The following KNSTRN variants were observed in gnomAD, a reference collection of about 807,000 sequenced individuals.
The protein encoded by KNSTRN is kinetochore localized astrin (SPAG5) binding protein.
A neutral mutation model predicts 44.7 loss-of-function variants in KNSTRN; 38 were observed. The ratio of observed to expected loss-of-function variants is 0.85; its 90% confidence interval spans 0.66 to 1.11. The LOEUF (loss-of-function observed/expected upper bound fraction) is 1.11, where lower values mean the gene tolerates loss of function less well. KNSTRN is among the 50% of genes most tolerant of loss of function. The probability of loss-of-function intolerance (pLI) is 0.00; values close to 1 mark genes in which losing one functional copy is unlikely to be tolerated. For missense variants in KNSTRN, 406 were observed against 375.8 expected (o/e 1.08, Z -0.66); for synonymous variants, 158 against 148.1 (o/e 1.07, Z -0.48).
At chr15:40,386,971 T>C in intron 3 of KNSTRN, 188 bp from the exon 4 acceptor site, 1 of 614,026 alleles carries the variant, frequency 1.6e-6, no homozygotes. Flanking sequence ...CCTTTGCTAC[T>C]AAAAAGCCTT....
chr15:40,393,463 A>C lies in KNSTRN; in HGVS notation c.823-6A>C. Reference sequence around the variant, plus strand: ...TTGTTTTCTTTTGGAATGTCTTTCCATGCAGGCCTTAAAGGTAAAGCTGGA... The same window carrying C: ...TTGTTTTCTTTTGGAATGTCTTTCCCTGCAGGCCTTAAAGGTAAAGCTGGA... On this transcript the variant is annotated splice_region_variant and splice_polypyrimidine_tract_variant and intron_variant, in intron 8 of 8. Transcript: ENST00000249776. 6.2e-7 allele frequency: 1 copy of C among 1,610,390 alleles called. No individual in the cohort carries two copies. Among genetic ancestry groups the C allele is most frequent in the South Asian group, 1.1e-5 (1 of 90,146 alleles).
At chr15:40,386,962 C>G (rs1889913534) in intron 3 of KNSTRN, 197 bp from the exon 4 acceptor site, 1 of 606,014 alleles carries the variant, frequency 1.7e-6, no homozygotes, top group South Asian at 1.9e-5. Context: ...AGGCATGCCC[C>G]TTTGCTACTA....
chr15:40,391,678 G>A (rs1057039274), intron 7 of KNSTRN, 124 bp downstream of exon 7: 3 of 833,160 alleles, frequency 3.6e-6, no homozygotes, highest in African/African-American at 3.4e-5. Context: ...TGTGATGCTA[G>A]AAAAGAGAAA....
At position 40,393,532 on chromosome 15, in the gene KNSTRN, TG is replaced by T. The variant is rs1890039899; in HGVS notation, c.887del (p.Cys296LeufsTer5). The T allele has an allele frequency of 6.2e-7, 1 of 1,614,028 alleles. No homozygotes were observed. Among genetic ancestry groups the T allele is most frequent in the South Asian group, 1.1e-5 (1 of 91,092 alleles). On this transcript the variant is annotated frameshift_variant, in exon 9 of 9. Coordinates refer to ENST00000249776, the MANE Select transcript of KNSTRN (RefSeq NM_033286.4). LOFTEE classifies it high-confidence loss of function. ...RVRFLEQQTL[C>X]NNQVNDLTTA... ...CCGATTCCTAGAACAGCAAACCTTATGTAACAATCAAGTAAATGATTTAACA... is the reference window on the plus strand; with the variant it reads ...CCGATTCCTAGAACAGCAAACCTTATTAACAATCAAGTAAATGATTTAACA...
In KNSTRN at chr15:40,382,809, G is replaced by C. The variant is rs746179560; in HGVS notation, c.-27G>C. On this transcript the variant is annotated 5_prime_UTR_variant, in exon 1 of 9. Transcript: ENST00000249776. ...AACACCTTTCGCTAGGTCTGGCTCT[G>C]GCCTCTGAGCGAACCTTCCGTACAG... 2 of 1,600,206 alleles carry C rather than the reference G, an allele frequency of 1.2e-6. No homozygotes were observed. The highest frequency in any genetic ancestry group is 1.7e-6 in the Non-Finnish European group (2 of 1,173,474).
chr15:40,391,930 C>T lies in KNSTRN; in HGVS notation c.748-19C>T. On this transcript the variant is annotated intron_variant, in intron 7 of 8. Coordinates refer to ENST00000249776, the MANE Select transcript of KNSTRN (RefSeq NM_033286.4). ...GTTTTATATGAAGATTTGTTTACTA[C>T]ATTGTGCTTTCCTCTTAGTTGCTGT... is the stretch of plus-strand genomic sequence containing the variant. 6.3e-7 allele frequency: 1 copy of T among 1,597,774 alleles called. No homozygotes were observed. The highest frequency in any genetic ancestry group is 8.5e-7 in the Non-Finnish European group (1 of 1,171,764).
At chr15:40,392,927 A>G (rs765476546) in intron 8 of KNSTRN, among the ~76,000 whole-genome samples, 5 of 152,130 alleles carry the variant, frequency 3.3e-5, no homozygotes, top group Non-Finnish European at 5.9e-5. Flanking sequence ...AAATTTTTTA[A>G]AAAACAGACC....
Position 40,382,854 on chromosome 15 carries a change from C to G in KNSTRN, c.19C>G (p.Pro7Ala). The G allele has an allele frequency of 6.2e-7, 1 of 1,611,368 alleles. No individual in the cohort carries two copies. Among genetic ancestry groups the G allele is most frequent in the Non-Finnish European group, 8.5e-7 (1 of 1,179,672 alleles). The part of the protein sequence containing the change: MAAPEA[P>A]PLDRVFRTTW... ...GTACAGTATGGCGGCTCCCGAAGCCCCGCCCCTGGACAGAGTTTTCCGTAC... is the reference window on the plus strand; with the variant it reads ...GTACAGTATGGCGGCTCCCGAAGCCGCGCCCCTGGACAGAGTTTTCCGTAC... Residue 7 changes from proline to alanine, a missense_variant, in exon 1 of 9, where the codon CCG becomes GCG. Pro to Ala is a conservative substitution (Grantham distance 27). Transcript: ENST00000249776.
rs1049307817 is a variant in KNSTRN at position 40,390,619 on chromosome 15, C to CT, written c.685+703dup. On this transcript the variant is annotated intron_variant, in intron 6 of 8. Coordinates refer to ENST00000249776, the MANE Select transcript of KNSTRN (RefSeq NM_033286.4). Reference sequence around the variant, plus strand: ...TCTTTAGGTTACAGTTGAGGATATTCTTTTTTTTTTTTTGAGATGAAGTCT... The same window carrying CT: ...TCTTTAGGTTACAGTTGAGGATATTCTTTTTTTTTTTTTTGAGATGAAGTCT... Among the ~76,000 whole-genome samples the CT allele has an allele frequency of 7.5e-3, 1,092 of 145,074 alleles. 14 individuals are homozygous for CT. Among genetic ancestry groups the CT allele is most frequent in the African/African-American group, 0.022 (882 of 39,866 alleles).
rs368201050 is a variant in KNSTRN, at chr15:40,387,134, C to T, written c.438-25C>T. 58 of 1,578,864 alleles carry T rather than the reference C, an allele frequency of 3.7e-5. 1 individual carries two copies. The African/African-American group carries it at 7.5e-4, about 21-fold the overall frequency. On this transcript the variant is annotated intron_variant, in intron 3 of 8. Coordinates refer to ENST00000249776, the MANE Select transcript of KNSTRN (RefSeq NM_033286.4). ...TTAACAGTACTGTAAGTCTCTGATT[C>T]ATTTCTTTGTTTCTGCCCTCCTAGG...
chr15:40,383,417 G>T lies in KNSTRN; in HGVS notation c.304+95G>T. 3.2e-6 allele frequency: 3 copies of T among 927,428 alleles called. No individual in the cohort carries two copies. In the South Asian group the frequency reaches 4.5e-5, roughly 14 times the overall value. The allele number at this position is 927,428 out of a possible 1,614,324, so 57.4% of individuals were successfully genotyped here. A position where few individuals can be genotyped will look rare whatever the true frequency, so the allele number is the denominator to read the frequency against. On this transcript the variant is annotated intron_variant, in intron 2 of 8. Coordinates refer to ENST00000249776, the MANE Select transcript of KNSTRN (RefSeq NM_033286.4). ...ATGGGTGGCGCGGGCACGGGGAAGG[G>T]CGTCCCGTCGGCCCTGAAAACCTGT...
At chr15:40,388,386 A>G (rs1040376511) in intron 4 of KNSTRN, among the ~76,000 whole-genome samples, 3 of 152,242 alleles carry the variant, frequency 2.0e-5, no homozygotes, top group African/African-American at 4.8e-5. Context: ...CAGATTGCTC[A>G]TGCTATTGTT....
At position 40,387,213 on chromosome 15, in the gene KNSTRN, A is replaced by C; in HGVS notation, c.485+7A>C. 6.2e-7 allele frequency: 1 copy of C among 1,608,774 alleles called. No individual in the cohort carries two copies. ...GAAGGAATGTCAGAAAAGGGTGAGC[A>C]TCAGGGTAAATCAACTTGGCCACTA... is the stretch of plus-strand genomic sequence containing the variant. On this transcript the variant is annotated splice_region_variant and intron_variant, in intron 4 of 8. Transcript: ENST00000249776.
rs916622734 is a variant in KNSTRN, at chr15:40,391,543, A to G, written c.736A>G (p.Met246Val). The change falls in exon 7 of 9, where the codon ATG (methionine) becomes GTG (valine). Residue 246 changes from methionine (M) to valine (V), a missense_variant. By Grantham distance (21) the Met-to-Val change is conservative. Coordinates refer to ENST00000249776, the MANE Select transcript of KNSTRN (RefSeq NM_033286.4). ...ASRQESTTDH[M>V]DSMLLLETLQ... ...ACGACAAGAATCCACTACTGATCAC[A>G]TGGACTCTATGGTGAGGGCATGGGT... 1.2e-6 allele frequency: 2 copies of G among 1,613,712 alleles called. No individual in the cohort carries two copies. Among genetic ancestry groups the G allele is most frequent in the African/African-American group, 2.7e-5 (2 of 75,026 alleles).
chr15:40,383,316 C>T lies in KNSTRN; in HGVS notation c.298C>T (p.Pro100Ser), dbSNP rs1889847075. The change falls in exon 2 of 9, where the codon CCG becomes TCG. Residue 100 changes from proline to serine, a missense_variant. By Grantham distance (74) the Pro-to-Ser change is moderately conservative. Coordinates refer to ENST00000249776, the MANE Select transcript of KNSTRN (RefSeq NM_033286.4). ...CCCCTCTGCGCTGAGCGGCGGCCAG[C>T]CGGCAGGTGAGGGTCCAAGCCACGC... ...QPPSALSGGQPADTQTRATSK... is the reference protein window; with the variant it reads ...QPPSALSGGQSADTQTRATSK... 1.9e-6 allele frequency: 3 copies of T among 1,610,688 alleles called. No individual in the cohort carries two copies. In the East Asian group the frequency reaches 6.7e-5, roughly 36 times the overall value.
At chr15:40,391,887 T>C in intron 7 of KNSTRN, 62 bp from the exon 8 acceptor site, 1 of 1,273,874 alleles carries the variant, frequency 7.9e-7, no homozygotes, top group East Asian at 2.4e-5. Flanking sequence ...ATGTTAGCCA[T>C]CATCTAATGC....
rs1595740374 is a variant in KNSTRN at position 40,390,671 on chromosome 15, G to C, written c.685+742G>C. On this transcript the variant is annotated intron_variant, in intron 6 of 8. Transcript: ENST00000249776. ...ATTCCATTGCCCAAGCTGAAGTGCA[G>C]AGGTGTGATTTCGGCTCACTGAAAC... is the stretch of plus-strand genomic sequence containing the variant. 2.0e-5 allele frequency among the ~76,000 whole-genome samples: 3 copies of C among 151,840 alleles called. No homozygotes were observed. In the East Asian group the frequency reaches 5.8e-4, roughly 29 times the overall value.
chr15:40,387,735 C>T (rs1889926094), intron 4 of KNSTRN, among the ~76,000 whole-genome samples: 1 of 152,188 alleles, frequency 6.6e-6, no homozygotes, highest in Non-Finnish European at 1.5e-5. Flanking sequence ...CAGCAGGGCA[C>T]ACCAGCTCAC....
At chr15:40,393,417 G>A (rs775993148) in intron 8 of KNSTRN, 52 bp from the exon 9 acceptor site, 1 of 1,600,330 alleles carries the variant, frequency 6.2e-7, no homozygotes, top group Non-Finnish European at 8.5e-7. Context: ...TTTCCTGTTA[G>A]TCAAGAGTTT....
Sources: gnomAD v4.1 joint callset for allele counts (sites outside exome capture counted in the v4.1 genomes callset) on GRCh38, gnomAD v4.1.1 for gene constraint, MANE v1.5 for transcripts, NCBI Gene and HGNC (gene_info 2026-07-23, HGNC 2026-07-21) for gene names.